The following CTCF variants were observed in gnomAD, a reference collection of about 807,000 sequenced individuals.
The protein encoded by CTCF is CCCTC-binding factor.
Under a neutral mutation model 72.3 loss-of-function variants are expected in CTCF, and 7 were observed. That is an observed-to-expected ratio of 0.10 (90% CI 0.06 to 0.18). The LOEUF (loss-of-function observed/expected upper bound fraction) is 0.18, where lower values mean the gene tolerates loss of function less well. CTCF is among the 10% of genes least tolerant of loss of function. CTCF has a pLI of 1.00. For missense variants in CTCF, 516 were observed against 949.1 expected (o/e 0.54, Z 6.00); for synonymous variants, 374 against 315.8 (o/e 1.18, Z -1.95).
intron 10 of CTCF, among the ~76,000 whole-genome samples, chr16:67,630,557 C>T (rs1224272607): frequency 6.6e-6 from 1 of 152,046 alleles, no homozygotes; most frequent in African/African-American, 2.4e-5. Context: ...GAGTTCGAGA[C>T]CAGCCTGGGG....
chr16:67,617,738 G>A (rs2052151029), intron 5 of CTCF, among the ~76,000 whole-genome samples: 2 of 152,200 alleles, frequency 1.3e-5, no homozygotes, highest in South Asian at 4.1e-4. Flanking sequence ...AAACTTTGAA[G>A]AAAAAACTGT....
chr16:67,632,029 G>A (rs2052372065), intron 10 of CTCF, among the ~76,000 whole-genome samples: 1 of 148,496 alleles, frequency 6.7e-6, no homozygotes, highest in South Asian at 2.1e-4. Flanking sequence ...AACTGAGATA[G>A]TGTCACTGCA....
chr16:67,612,324 C>T, intron 4 of CTCF: 1 of 428,658 alleles, frequency 2.3e-6, no homozygotes, highest in East Asian at 4.2e-5. Flanking sequence ...AAAAATAACA[C>T]CCTCTCTCTT....
chr16:67,600,231 AT>A (rs966319034), intron 2 of CTCF, among the ~76,000 whole-genome samples: 21 of 151,244 alleles, frequency 1.4e-4, no homozygotes, highest in East Asian at 1.4e-3. Context: ...TAAATTTATT[AT>A]TTTTTTTATT....
intron 11 of CTCF, 35 bp downstream of exon 11, chr16:67,636,886 C>T (rs2052438780): frequency 6.9e-7 from 1 of 1,442,642 alleles, no homozygotes; most frequent in Non-Finnish European, 9.2e-7. Context: ...AGGCTGGCGT[C>T]TTCTCCGAGC....
chr16:67,614,543 A>G (rs2052105087), intron 4 of CTCF: 1 of 151,968 alleles, frequency 6.6e-6, no homozygotes, highest in Admixed American at 6.6e-5. Flanking sequence ...CTAAAAATAC[A>G]AAAATTAGCC....
At position 67,580,548 on chromosome 16, in the gene CTCF, TTATG is replaced by T. The variant is rs573040601; in HGVS notation, c.-10+9288_-10+9291del. On this transcript the variant is annotated intron_variant, in intron 2 of 11. Transcript: ENST00000264010. ...TGTATTTTATTTTTATTTTATTTAT[TTATG>T]TATTTATTTATTTATTTATTATTTT... 6.5e-4 allele frequency among the ~76,000 whole-genome samples: 99 copies of T among 151,362 alleles called. 2 individuals carry two copies. The highest frequency in any genetic ancestry group is 1.6e-3 in the Admixed American group (25 of 15,200).
intron 2 of CTCF, among the ~76,000 whole-genome samples, chr16:67,596,312 T>TGTGACA (rs2051814277): frequency 6.6e-6 from 1 of 152,198 alleles, no homozygotes; most frequent in African/African-American, 2.4e-5. Flanking sequence ...GTCACATTAT[T>TGTGACA]TTAGTTTAGC....
chr16:67,616,631 A>C, intron 4 of CTCF, 114 bp from the exon 5 acceptor site: 1 of 1,187,266 alleles, frequency 8.4e-7, no homozygotes, highest in Non-Finnish European at 1.2e-6. Flanking sequence ...AAGCTACTGC[A>C]GTTGATGGGA....
chr16:67,592,735 C>T (rs898322932), intron 2 of CTCF, among the ~76,000 whole-genome samples: 1 of 149,424 alleles, frequency 6.7e-6, no homozygotes, highest in African/African-American at 2.5e-5. Context: ...AAGATACTTA[C>T]AGAGGCCAGG....
At position 67,638,090 on chromosome 16, in the gene CTCF, G is replaced by T; in HGVS notation, c.*218G>T. On this transcript the variant is annotated 3_prime_UTR_variant, in exon 12 of 12. Coordinates refer to ENST00000264010, the MANE Select transcript of CTCF (RefSeq NM_006565.4). ...AAATCATGGAATGTTCTGAGTCCCT[G>T]AGGGTTTACTGTGAAGTGCTGAGGA... The T allele has an allele frequency of 1.9e-6, 1 of 536,962 alleles. No individual in the cohort carries two copies. Among genetic ancestry groups the T allele is most frequent in the Admixed American group, 3.2e-5 (1 of 31,690 alleles). 33.3% of individuals were successfully genotyped at this position (536,962 alleles called of 1,614,324 possible).
intron 2 of CTCF, among the ~76,000 whole-genome samples, chr16:67,582,080 T>G (rs2051590717): frequency 6.6e-6 from 1 of 151,792 alleles, no homozygotes; most frequent in South Asian, 2.1e-4. Context: ...ATTAGCTGGG[T>G]GTGGTGGTGG....
chr16:67,586,124 G>A (rs1464140102), intron 2 of CTCF, among the ~76,000 whole-genome samples: 2 of 152,088 alleles, frequency 1.3e-5, no homozygotes, highest in African/African-American at 2.4e-5. Flanking sequence ...TTTGAGGCTG[G>A]GTGCAGTGGC....
intron 2 of CTCF, among the ~76,000 whole-genome samples, chr16:67,596,511 ATGGT>A (rs975791928): frequency 9.9e-5 from 15 of 151,934 alleles, no homozygotes; most frequent in African/African-American, 3.1e-4. Context: ...TATTTTTTTC[ATGGT>A]TGGCCATTTT....
chr16:67,587,322 A>T (rs944920030), intron 2 of CTCF, among the ~76,000 whole-genome samples: 2 of 152,054 alleles, frequency 1.3e-5, no homozygotes, highest in Non-Finnish European at 2.9e-5. Flanking sequence ...CCACATTGCT[A>T]TTTGGTACAA....
chr16:67,581,128 C>T (rs1312609650), intron 2 of CTCF, among the ~76,000 whole-genome samples: 3 of 150,932 alleles, frequency 2.0e-5, no homozygotes, highest in Non-Finnish European at 4.4e-5. Context: ...CGGGGTTTCA[C>T]CGTGTTAGCC....
intron 10 of CTCF, among the ~76,000 whole-genome samples, chr16:67,632,061 G>A (rs1236543324): frequency 5.0e-5 from 7 of 140,640 alleles, no homozygotes; most frequent in African/African-American, 1.6e-4. Flanking sequence ...GTAACAGAGC[G>A]AGACCCTGTC....
chr16:67,602,951 T>C (rs2051917132), intron 2 of CTCF, among the ~76,000 whole-genome samples: 1 of 152,114 alleles, frequency 6.6e-6, no homozygotes, highest in African/African-American at 2.4e-5. Context: ...CCTGAAGTTC[T>C]GTGTTTTTAA....
intron 10 of CTCF, among the ~76,000 whole-genome samples, chr16:67,632,077 A>C (rs955738876): frequency 6.7e-6 from 1 of 149,940 alleles, no homozygotes. Context: ...CTGTCTCCAA[A>C]AAAAAAAAAA....
Sources: allele counts gnomAD v4.1 joint callset (sites outside exome capture counted in the v4.1 genomes callset), GRCh38; gene constraint gnomAD v4.1.1; transcripts MANE v1.5; gene names NCBI Gene and HGNC (gene_info 2026-07-23, HGNC 2026-07-21).